The following RIOK2 variants were observed in gnomAD, a reference collection of about 807,000 sequenced individuals.
The protein encoded by RIOK2 is RIO kinase 2.
In RIOK2, 46 loss-of-function variants were observed where a neutral mutation model predicts 62.4. That is an observed-to-expected ratio of 0.74 (90% confidence interval 0.58 to 0.94). The LOEUF (loss-of-function observed/expected upper bound fraction) is 0.94. RIOK2 is among the 40% of genes least tolerant of loss of function. The probability of loss-of-function intolerance (pLI) is 0.00; values close to 1 mark genes in which losing one functional copy is unlikely to be tolerated. For missense variants in RIOK2, 574 were observed against 658.0 expected (o/e 0.87, Z 1.40); for synonymous variants, 197 against 216.0 (o/e 0.91, Z 0.77).
intron 6 of RIOK2, among the ~76,000 whole-genome samples, chr5:97,170,918 C>A (rs1283323231): frequency 6.6e-6 from 1 of 151,980 alleles, no homozygotes; most frequent in Non-Finnish European, 1.5e-5. Flanking sequence ...CTTTGGGAGG[C>A]CGAGGCGGGT....
At chr5:97,168,683 G>T in intron 7 of RIOK2, 77 bp downstream of exon 7, 1 of 932,036 alleles carries the variant, frequency 1.1e-6, no homozygotes, top group South Asian at 2.3e-5. Flanking sequence ...TTTTTTAGAT[G>T]AAAATGTTAA....
intron 2 of RIOK2, 74 bp downstream of exon 2, chr5:97,178,981 T>C: frequency 1.9e-6 from 3 of 1,570,306 alleles, no homozygotes; most frequent in Non-Finnish European, 2.6e-6. Flanking sequence ...CTTCTACTTC[T>C]TGACTTTTGG....
At position 97,177,757 on chromosome 5, in the gene RIOK2, G is replaced by A. The variant is rs1476898329; in HGVS notation, c.297C>T (p.Asn99=). The A allele has an allele frequency of 1.2e-5, 19 of 1,610,458 alleles. No homozygotes were observed. The highest frequency in any genetic ancestry group is 1.7e-5 in the Admixed American group (1 of 59,858). ...SSRQVVESVG[N]QMGVGKESDI... ...CTGATTCTTTGCCAACACCCATCTG[G>A]TTTCCAACAGACTCAACTACTTGCC... Residue 99 remains asparagine, a synonymous_variant, in exon 3 of 10, where the codon AAC becomes AAT. Coordinates refer to ENST00000283109, the MANE Select transcript of RIOK2 (RefSeq NM_018343.3).
chr5:97,175,399 T>C (rs1197083950), intron 4 of RIOK2, among the ~76,000 whole-genome samples: 1 of 152,272 alleles, frequency 6.6e-6, no homozygotes, highest in Non-Finnish European at 1.5e-5. Context: ...CCTCATGCTA[T>C]AGCCCAATCT....
intron 8 of RIOK2, chr5:97,166,818 A>T: frequency 1.0e-6 from 1 of 983,404 alleles, no homozygotes. Flanking sequence ...CACACATCAG[A>T]TGTGTAATTA....
Position 97,167,622 on chromosome 5 carries a change from A to G in RIOK2, c.1242T>C (p.Thr414=). The G allele has an allele frequency of 6.2e-7, 1 of 1,614,210 alleles. No homozygotes were observed. Residue 414 remains threonine, a synonymous_variant, in exon 8 of 10, where the codon ACT becomes ACC. Coordinates refer to ENST00000283109, the MANE Select transcript of RIOK2 (RefSeq NM_018343.3). ...TTCTGTTTTTCTCCTCAGAAAATTC[A>G]GTTACAGAGTTGTTTTCAACAACCT... ...KGQVVENNSV[T]EFSEEKNRTE...
chr5:97,182,756 G>C (rs1208994158), intron 1 of RIOK2: 1 of 251,344 alleles, frequency 4.0e-6, no homozygotes, highest in African/African-American at 2.8e-5. Context: ...CTGTTAGTAG[G>C]GAAGTCAATA....
intron 4 of RIOK2, among the ~76,000 whole-genome samples, chr5:97,174,595 A>G (rs1476900772): frequency 6.6e-6 from 1 of 152,092 alleles, no homozygotes; most frequent in Non-Finnish European, 1.5e-5. Flanking sequence ...ACCTAAACAC[A>G]TAGGACTCAC....
intron 8 of RIOK2, 200 bp downstream of exon 8, chr5:97,167,267 G>A (rs1580266649): frequency 3.5e-6 from 5 of 1,426,462 alleles, no homozygotes; most frequent in Middle Eastern, 5.1e-4. Context: ...TTAGTCAATA[G>A]GCTGCCTAGA....
At chr5:97,165,765 C>T (rs1288202572) in intron 8 of RIOK2, among the ~76,000 whole-genome samples, 2 of 152,092 alleles carry the variant, frequency 1.3e-5, no homozygotes, top group Non-Finnish European at 2.9e-5. Context: ...AATTATTGTT[C>T]CCATTCTGAG....
rs1303395530 is a variant in RIOK2, at chr5:97,161,267, AACAATC to A, written c.*1788_*1793del. 1 of 152,214 alleles carries A rather than the reference AACAATC, an allele frequency of 6.6e-6. No individual in the cohort carries two copies. Among genetic ancestry groups the A allele is most frequent in the Non-Finnish European group, 1.5e-5 (1 of 68,036 alleles). The allele number at this position is 152,214 out of a possible 1,614,324, so 9.4% of individuals were successfully genotyped here. A position where few individuals can be genotyped will look rare whatever the true frequency, so the allele number is the denominator to read the frequency against. On this transcript the variant is annotated 3_prime_UTR_variant, in exon 10 of 10. Coordinates refer to ENST00000283109, the MANE Select transcript of RIOK2 (RefSeq NM_018343.3). ...ACTCCTAGGCAAAAAAAAGTGTTTT[AACAATC>A]ACAATATACAGCTTTACATTAGTAA...
intron 1 of RIOK2, among the ~76,000 whole-genome samples, chr5:97,181,810 T>C (rs993184217): frequency 6.6e-6 from 1 of 152,186 alleles, no homozygotes; most frequent in Non-Finnish European, 1.5e-5. Flanking sequence ...AAGGAATGAG[T>C]GTGCTGAGAA....
At chr5:97,173,523 G>A (rs983647628) in intron 4 of RIOK2, among the ~76,000 whole-genome samples, 3 of 152,124 alleles carry the variant, frequency 2.0e-5, no homozygotes, top group African/African-American at 7.2e-5. Flanking sequence ...GCACTGTGCT[G>A]GGGTTACAAA....
At chr5:97,173,639 A>T (rs1580272792) in intron 4 of RIOK2, among the ~76,000 whole-genome samples, 2 of 152,198 alleles carry the variant, frequency 1.3e-5, no homozygotes, top group Non-Finnish European at 2.9e-5. Context: ...TAAGTCTCTG[A>T]CATTTGTTGA....
rs1251821891 is a variant in RIOK2 at position 97,162,574 on chromosome 5, TA to T, written c.*486del. 6.5e-6 allele frequency: 1 copy of T among 153,298 alleles called. No individual in the cohort carries two copies. The highest frequency in any genetic ancestry group is 1.5e-5 in the Non-Finnish European group (1 of 68,852). 9.5% of individuals were successfully genotyped at this position (153,298 alleles called of 1,614,324 possible). A position where few individuals can be genotyped will look rare whatever the true frequency, so the allele number is the denominator to read the frequency against. On this transcript the variant is annotated 3_prime_UTR_variant, in exon 10 of 10. Transcript: ENST00000283109. ...TTAAGCAAATTGTGCATCACTGGCT[TA>T]TCTTTACTTCCAAAGGCTTATCTTT...
At chr5:97,178,856 C>A in intron 2 of RIOK2, 199 bp downstream of exon 2, 1 of 641,258 alleles carries the variant, frequency 1.6e-6, no homozygotes, top group Non-Finnish European at 2.7e-6. Context: ...GTTCTTACTA[C>A]TATTCTTTTT....
intron 5 of RIOK2, among the ~76,000 whole-genome samples, chr5:97,172,611 G>A (rs1053299977): frequency 7.2e-5 from 11 of 152,130 alleles, no homozygotes; most frequent in Non-Finnish European, 8.8e-5. Flanking sequence ...AGCAAGCAGA[G>A]TGACCCTCTG....
intron 8 of RIOK2, 77 bp downstream of exon 8, chr5:97,167,390 A>C: frequency 6.5e-7 from 1 of 1,537,016 alleles, no homozygotes; most frequent in Non-Finnish European, 8.7e-7. Flanking sequence ...CATTTGAAAA[A>C]AACATTCTTT....
chr5:97,169,255 C>G (rs1050045072), intron 6 of RIOK2, among the ~76,000 whole-genome samples: 4 of 152,148 alleles, frequency 2.6e-5, no homozygotes, highest in African/African-American at 9.7e-5. Flanking sequence ...CTCACTAGAA[C>G]CCCTAGCCAA....
Sources: allele counts gnomAD v4.1 joint callset (sites outside exome capture counted in the v4.1 genomes callset), GRCh38; gene constraint gnomAD v4.1.1; transcripts MANE v1.5; gene names NCBI Gene and HGNC (gene_info 2026-07-23, HGNC 2026-07-21).